The following FBXL20 variants were observed in gnomAD, a reference collection of about 807,000 sequenced individuals.
The protein encoded by FBXL20 is F-box and leucine rich repeat protein 20.
A neutral mutation model predicts 64.0 loss-of-function variants in FBXL20; 11 were observed. The ratio of observed to expected loss-of-function variants is 0.17; its 90% CI spans 0.11 to 0.28. The LOEUF (loss-of-function observed/expected upper bound fraction) is 0.28, where lower values mean the gene tolerates loss of function less well. FBXL20 is among the 10% of genes least tolerant of loss of function. The pLI, the probability that FBXL20 is intolerant of heterozygous loss-of-function variation, is 1.00. For missense variants in FBXL20, 303 were observed against 526.2 expected (o/e 0.58, Z 4.15); for synonymous variants, 184 against 189.0 (o/e 0.97, Z 0.22).
At chr17:39,389,447 A>G (rs1204668740) in intron 1 of FBXL20, among the ~76,000 whole-genome samples, 2 of 152,202 alleles carry the variant, frequency 1.3e-5, no homozygotes, top group African/African-American at 2.4e-5. Flanking sequence ...GGTATTGGCA[A>G]TGCAGTGCTC....
chr17:39,337,066 G>A (rs1216159269), intron 2 of FBXL20, among the ~76,000 whole-genome samples: 5 of 151,926 alleles, frequency 3.3e-5, no homozygotes, highest in East Asian at 3.9e-4. Flanking sequence ...CTGCCATCTC[G>A]GCTCACTGCA....
chr17:39,255,956 T>A lies in FBXL20; in HGVS notation c.*5504A>T, dbSNP rs1259331949. 6.6e-6 allele frequency: 1 copy of A among 152,210 alleles called. No individual in the cohort carries two copies. Among genetic ancestry groups the A allele is most frequent in the African/African-American group, 2.4e-5 (1 of 41,458 alleles). 9.4% of individuals were successfully genotyped at this position (152,210 alleles called of 1,614,324 possible). On this transcript the variant is annotated 3_prime_UTR_variant, in exon 15 of 15. Transcript: ENST00000264658. ...AACCCAATTTTATTCCTAAACTACCTGGGCTAATTATACCCTACTGGTATG... is the reference window on the plus strand; with the variant it reads ...AACCCAATTTTATTCCTAAACTACCAGGGCTAATTATACCCTACTGGTATG...
At chr17:39,319,437 A>T (rs1327820488) in intron 2 of FBXL20, among the ~76,000 whole-genome samples, 1 of 152,174 alleles carries the variant, frequency 6.6e-6, no homozygotes, top group African/African-American at 2.4e-5. Context: ...CTGTAATCCC[A>T]ACACTTTGGG....
At chr17:39,386,024 CAAAAAAAAA>C (rs35967171) in intron 1 of FBXL20, among the ~76,000 whole-genome samples, 2 of 39,632 alleles carry the variant, frequency 5.0e-5, no homozygotes, top group South Asian at 8.1e-4. Flanking sequence ...GATTCCGTCT[CAAAAAAAAA>C]AAAAAAAAAA....
intron 2 of FBXL20, among the ~76,000 whole-genome samples, chr17:39,334,784 T>C (rs1260871315): frequency 6.6e-6 from 1 of 152,166 alleles, no homozygotes; most frequent in African/African-American, 2.4e-5. Context: ...GTTATCAACG[T>C]CATCCTCAGA....
intron 2 of FBXL20, among the ~76,000 whole-genome samples, chr17:39,309,027 CTTTTA>C (rs2047208509): frequency 6.6e-6 from 1 of 152,130 alleles, no homozygotes; most frequent in South Asian, 2.1e-4. Flanking sequence ...AGCCTTGAGG[CTTTTA>C]AAAGTCTAGG....
intron 6 of FBXL20, among the ~76,000 whole-genome samples, chr17:39,292,120 A>G (rs1195078078): frequency 6.6e-6 from 1 of 150,720 alleles, no homozygotes; most frequent in Non-Finnish European, 1.5e-5. Flanking sequence ...ATAAATGTCA[A>G]TTATATCAAG....
intron 7 of FBXL20, among the ~76,000 whole-genome samples, chr17:39,285,014 C>T (rs542265361): frequency 2.6e-5 from 4 of 151,978 alleles, no homozygotes; most frequent in South Asian, 2.1e-4. Context: ...CTTGGCTTAC[C>T]GCAACCTCTG....
intron 1 of FBXL20, among the ~76,000 whole-genome samples, chr17:39,363,808 C>T (rs1485121692): frequency 2.2e-5 from 1 of 45,646 alleles, no homozygotes; most frequent in East Asian, 5.9e-4. Flanking sequence ...AAGACTTTAT[C>T]TCAAAAAAAA....
intron 14 of FBXL20, among the ~76,000 whole-genome samples, chr17:39,262,795 G>A (rs1190047875): frequency 4.0e-5 from 6 of 150,624 alleles, no homozygotes; most frequent in African/African-American, 7.3e-5. Context: ...TCAGGAGGTC[G>A]AGACCATCCT....
intron 1 of FBXL20, among the ~76,000 whole-genome samples, chr17:39,391,616 G>A (rs868221127): frequency 1.8e-4 from 27 of 151,978 alleles, no homozygotes; most frequent in African/African-American, 6.0e-4. Context: ...GACTCCCTTC[G>A]TAAAATCCTG....
At chr17:39,309,636 C>T (rs539640378) in intron 2 of FBXL20, among the ~76,000 whole-genome samples, 1 of 151,852 alleles carries the variant, frequency 6.6e-6, no homozygotes, top group East Asian at 1.9e-4. Flanking sequence ...AACCCCGTCT[C>T]TACTAAAATA....
intron 2 of FBXL20, among the ~76,000 whole-genome samples, chr17:39,337,301 A>C (rs548072280): frequency 1.3e-5 from 2 of 152,174 alleles, no homozygotes; most frequent in African/African-American, 4.8e-5. Flanking sequence ...AATGGTGCCC[A>C]GGCTGGAGTG....
intron 2 of FBXL20, among the ~76,000 whole-genome samples, chr17:39,336,251 T>C (rs1028867029): frequency 2.0e-5 from 3 of 152,216 alleles, no homozygotes; most frequent in African/African-American, 7.2e-5. Flanking sequence ...ACAATTGTTT[T>C]TGTAGGTTAA....
At chr17:39,362,210 G>A (rs906905643) in intron 1 of FBXL20, among the ~76,000 whole-genome samples, 18 of 151,658 alleles carry the variant, frequency 1.2e-4, no homozygotes, top group African/African-American at 2.2e-4. Flanking sequence ...GGAGAATGGC[G>A]TGAACCCGGG....
At chr17:39,402,190 A>T, upstream of FBXL20, 1 of 1,232,456 alleles carries the variant, frequency 8.1e-7, no homozygotes, top group Non-Finnish European at 1.0e-6. Context: ...TTGAACCCAA[A>T]GTGCAGCAGG....
At chr17:39,375,622 C>T (rs2047959986) in intron 1 of FBXL20, among the ~76,000 whole-genome samples, 1 of 152,102 alleles carries the variant, frequency 6.6e-6, no homozygotes, top group Non-Finnish European at 1.5e-5. Flanking sequence ...ACATTTTATG[C>T]CTATAATACT....
intron 2 of FBXL20, among the ~76,000 whole-genome samples, chr17:39,323,005 C>CT (rs1192701747): frequency 7.0e-6 from 1 of 141,908 alleles, no homozygotes; most frequent in Non-Finnish European, 1.5e-5. Context: ...GAGTCTCACT[C>CT]TGTCGCCAGG....
chr17:39,326,743 C>T (rs941644294), intron 2 of FBXL20, among the ~76,000 whole-genome samples: 14 of 151,702 alleles, frequency 9.2e-5, no homozygotes, highest in African/African-American at 2.7e-4. Flanking sequence ...TCTCAACCTC[C>T]CAAGTAGTTA....
Sources: gnomAD v4.1 joint callset for allele counts (sites outside exome capture counted in the v4.1 genomes callset) on GRCh38, gnomAD v4.1.1 for gene constraint, MANE v1.5 for transcripts, NCBI Gene and HGNC (gene_info 2026-07-23, HGNC 2026-07-21) for gene names.